ESCO2: variants seen among roughly 807,000 people sequenced by gnomAD.
The protein encoded by ESCO2 is N-acetyltransferase ESCO2.
A neutral mutation model predicts 61.7 loss-of-function variants in ESCO2; 51 were observed. The ratio of observed to expected loss-of-function variants is 0.83; its 90% CI spans 0.66 to 1.04. The LOEUF (loss-of-function observed/expected upper bound fraction) is 1.04, where lower values mean the gene tolerates loss of function less well. ESCO2 is among the 50% of genes least tolerant of loss of function. ESCO2 has a pLI of 0.00. For synonymous variants in ESCO2, 230 were observed against 238.2 expected (o/e 0.97, Z 0.32); for missense variants, 692 against 686.2 (o/e 1.01, Z -0.09).
chr8:27,808,410 G>A (rs1032131707), downstream of ESCO2: 4 of 197,624 alleles, frequency 2.0e-5, no homozygotes, highest in Non-Finnish European at 4.1e-5. Context: ...TCCTGGGCAC[G>A]GTGGCTCACG....
rs1585403486 is a variant in ESCO2 at position 27,792,128 on chromosome 8, C to T, written c.1353+76C>T. On this transcript the variant is annotated intron_variant, in intron 8 of 10. Transcript: ENST00000305188. ...CAACCTATGTTGAAGTGCAAACTGC[C>T]TTTGCTGACAGATAATTCACTTGGG... 2.9e-6 allele frequency: 4 copies of T among 1,371,958 alleles called. No homozygotes were observed. In the East Asian group the frequency reaches 9.2e-5, roughly 32 times the overall value. The allele number at this position is 1,371,958 out of a possible 1,614,324, so 85.0% of individuals were successfully genotyped here.
chr8:27,818,397 C>T, the ESCO2 span, among the ~76,000 whole-genome samples: 5 of 152,300 alleles, frequency 3.3e-5, no homozygotes, highest in African/African-American at 1.2e-4. Context: ...GAGGATATTT[C>T]AGTGGACAAG....
In ESCO2 at chr8:27,788,847, G is replaced by C; in HGVS notation, c.1132G>C (p.Asp378His). The C allele has an allele frequency of 6.2e-7, 1 of 1,613,990 alleles. No homozygotes were observed. Among genetic ancestry groups the C allele is most frequent in the African/African-American group, 1.3e-5 (1 of 75,006 alleles). Residue 378 changes from aspartate to histidine, a missense_variant and splice_region_variant, in exon 7 of 11, where the codon GAC becomes CAC. Physicochemically the swap from Asp to His is moderately conservative, Grantham distance 81. Transcript: ENST00000305188. ...SKKTKDQLII[D>H]AGQKHFGATV... ...TTCTTTTTTTACCCCCCAATTATAGGACGCTGGTCAGAAACATTTTGGGGC... is the reference window on the plus strand; with the variant it reads ...TTCTTTTTTTACCCCCCAATTATAGCACGCTGGTCAGAAACATTTTGGGGC...
chr8:27,801,969 A>ATTT (rs34539100), intron 10 of ESCO2, among the ~76,000 whole-genome samples: 12,569 of 83,798 alleles, frequency 0.15, 2,360 homozygotes, highest in Non-Finnish European at 0.19. Flanking sequence ...CCTTCATGGC[A>ATTT]TTTTTTTTTT....
chr8:27,803,355 T>G lies in ESCO2; in HGVS notation c.1723T>G (p.Ser575Ala). The G allele has an allele frequency of 6.2e-7, 1 of 1,614,108 alleles. No individual in the cohort carries two copies. Among genetic ancestry groups the G allele is most frequent in the South Asian group, 1.1e-5 (1 of 91,078 alleles). ...TCTCAGCACTGATGAAATAGCATTT[T>G]CTGACCCAACACCAGATGGCAAGTT... ...CFLSTDEIAF[S>A]DPTPDGKLFA... The change falls in exon 11 of 11, where the codon TCT becomes GCT. Residue 575 changes from serine to alanine, a missense_variant. Transcript: ENST00000305188.
At chr8:27,773,183 T>C (rs1420958956), upstream of ESCO2, among the ~76,000 whole-genome samples, 1 of 152,184 alleles carries the variant, frequency 6.6e-6, no homozygotes, top group East Asian at 1.9e-4. Flanking sequence ...GACCCCATCA[T>C]GTTCTACCAC....
At position 27,776,372 on chromosome 8, in the gene ESCO2, T is replaced by C; in HGVS notation, c.64T>C (p.Phe22Leu). 1.2e-6 allele frequency: 2 copies of C among 1,604,872 alleles called. No homozygotes were observed. The highest frequency in any genetic ancestry group is 1.7e-6 in the Non-Finnish European group (2 of 1,175,210). The change falls in exon 3 of 11, where the codon TTC (phenylalanine) becomes CTC (leucine). Residue 22 changes from phenylalanine (F) to leucine (L), a missense_variant. By Grantham distance (22) the Phe-to-Leu change is conservative. Transcript: ENST00000305188. ...DSLKCDSLLH[F>L]TENLFPSPNK... ...TGTTTCTTTTTATAGCCTTTTACACTTCACTGAAAATCTGTTTCCATCACC... is the reference window on the plus strand; with the variant it reads ...TGTTTCTTTTTATAGCCTTTTACACCTCACTGAAAATCTGTTTCCATCACC...
rs1554553754 is a variant in ESCO2, at chr8:27,775,462, A to G, written c.-16-37A>G. ...TATAATTTTGATAAAGCGATTTTTA[A>G]TATTTTGATGAATGTGGTTATTGTC... On this transcript the variant is annotated intron_variant, in intron 1 of 10. Coordinates refer to ENST00000305188, the MANE Select transcript of ESCO2 (RefSeq NM_001017420.3). 3.2e-6 allele frequency: 5 copies of G among 1,559,010 alleles called. No individual in the cohort carries two copies. In the South Asian group the frequency reaches 3.3e-5, roughly 10 times the overall value.
intron 4 of ESCO2, among the ~76,000 whole-genome samples, chr8:27,780,624 G>C (rs1419169045): frequency 1.3e-5 from 2 of 152,166 alleles, no homozygotes; most frequent in East Asian, 3.8e-4. Context: ...GTATATTTGT[G>C]ATCAAAGCCC....
chr8:27,819,525 T>C, the ESCO2 span, among the ~76,000 whole-genome samples: 1 of 152,114 alleles, frequency 6.6e-6, no homozygotes, highest in Non-Finnish European at 1.5e-5. Flanking sequence ...TCCTATTTTA[T>C]TACAAATTTC....
At chr8:27,819,522 T>G in the ESCO2 span, among the ~76,000 whole-genome samples, 4 of 152,108 alleles carry the variant, frequency 2.6e-5, no homozygotes, top group Admixed American at 6.5e-5. Context: ...GTTTCCTATT[T>G]TATTACAAAT....
downstream of ESCO2, among the ~76,000 whole-genome samples, chr8:27,809,006 C>T (rs1228092942): frequency 6.6e-6 from 1 of 152,066 alleles, no homozygotes; most frequent in East Asian, 1.9e-4. Context: ...ATAAATTTCT[C>T]AATGAAAAGC....
At chr8:27,779,965 G>A in intron 3 of ESCO2, 3 of 496,792 alleles carry the variant, frequency 6.0e-6, no homozygotes, top group Non-Finnish European at 1.1e-5. Flanking sequence ...GGGCCCTGCT[G>A]TACTCTGGCT....
chr8:27,805,303 AAAAAAAAAAAAAAAG>A (rs1322650852), exon 11 of ESCO2: 3 of 107,152 alleles, frequency 2.8e-5, no homozygotes, highest in African/African-American at 1.3e-4. Context: ...AAAAAAAAAA[AAAAAAAAAAAAAAAG>A]AAGAGGCTTC....
chr8:27,772,589 C>T (rs1804670603), upstream of ESCO2: 1 of 1,536,740 alleles, frequency 6.5e-7, no homozygotes, highest in Non-Finnish European at 8.8e-7. Flanking sequence ...CAGCGCTCAA[C>T]TCACGAAGCT....
chr8:27,817,493 G>A (rs1563489840), downstream of ESCO2, among the ~76,000 whole-genome samples: 1 of 151,632 alleles, frequency 6.6e-6, no homozygotes, highest in African/African-American at 2.4e-5. Context: ...CTTTTATTAG[G>A]ATTATTAACT....
chr8:27,793,107 C>T (rs1359957866), intron 9 of ESCO2, among the ~76,000 whole-genome samples: 1 of 152,050 alleles, frequency 6.6e-6, no homozygotes, highest in Non-Finnish European at 1.5e-5. Context: ...AAACATGTGG[C>T]TTAGTGAAGG....
chr8:27,804,611 A>G lies in ESCO2; in HGVS notation c.*1173A>G, dbSNP rs1182899815. On this transcript the variant is annotated 3_prime_UTR_variant, in exon 11 of 11. Transcript: ENST00000305188. ...TGTTTTGATTCTGAAAAATCATTCAACTGCTAACTGGCAATAAGACTCTAG... is the reference window on the plus strand; with the variant it reads ...TGTTTTGATTCTGAAAAATCATTCAGCTGCTAACTGGCAATAAGACTCTAG... 1.0e-6 allele frequency: 1 copy of G among 985,298 alleles called. No homozygotes were observed. The highest frequency in any genetic ancestry group is 1.2e-6 in the Non-Finnish European group (1 of 829,920). The allele number at this position is 985,298 out of a possible 1,614,324, so 61.0% of individuals were successfully genotyped here.
rs750595931 is a variant in ESCO2, at chr8:27,788,899, T to C, written c.1184T>C (p.Ile395Thr). 2 of 1,614,162 alleles carry C rather than the reference T, an allele frequency of 1.2e-6. No homozygotes were observed. Among genetic ancestry groups the C allele is most frequent in the South Asian group, 2.2e-5 (2 of 91,082 alleles). The change falls in exon 7 of 11, where the codon ATA becomes ACA. Residue 395 changes from isoleucine (I) to threonine (T), a missense_variant. Physicochemically the swap from Ile to Thr is moderately conservative, Grantham distance 89. Transcript: ENST00000305188. ...ACTGTGTGCAAGTCTTGTGGTATGA[T>C]ATATACTGCTTCCAACCCTGAAGAT... ...GATVCKSCGM[I>T]YTASNPEDEM...
Sources: gnomAD v4.1 joint callset for allele counts (sites outside exome capture counted in the v4.1 genomes callset) on GRCh38, gnomAD v4.1.1 for gene constraint, MANE v1.5 for transcripts, NCBI Gene and HGNC (gene_info 2026-07-23, HGNC 2026-07-21) for gene names.